The following CNTNAP2 variants were observed in gnomAD, a reference collection of about 807,000 sequenced individuals.
CNTNAP2 encodes the protein contactin associated protein 2, also known as contactin-associated protein-like 2.
A neutral mutation model predicts 155.2 loss-of-function variants in CNTNAP2; 98 were observed. The ratio of observed to expected loss-of-function variants is 0.63; its 90% confidence interval spans 0.54 to 0.75. The LOEUF is 0.75. Ranked by LOEUF, CNTNAP2 falls within the 30% of genes least tolerant of loss-of-function variation. CNTNAP2 has a pLI of 0.00. For synonymous variants in CNTNAP2, 651 were observed against 631.2 expected (o/e 1.03, Z -0.47); for missense variants, 1,727 against 1,688.1 (o/e 1.02, Z -0.40).
chr7:146,331,463 G>A (rs1307582336), intron 1 of CNTNAP2, among the ~76,000 whole-genome samples: 1 of 152,158 alleles, frequency 6.6e-6, no homozygotes, highest in Non-Finnish European at 1.5e-5. Flanking sequence ...ACATCAGAGA[G>A]CAGTCAGAAC....
chr7:147,436,071 A>G (rs1044392144), intron 10 of CNTNAP2, among the ~76,000 whole-genome samples: 9 of 152,322 alleles, frequency 5.9e-5, no homozygotes, highest in African/African-American at 2.2e-4. Context: ...CAGAGTAGTC[A>G]TGGGGCCCTC....
Position 147,735,103 on chromosome 7 carries a change from A to G in CNTNAP2, c.2098+95797A>G, listed in dbSNP as rs563215336. 3.9e-3 allele frequency among the ~76,000 whole-genome samples: 584 copies of G among 151,684 alleles called. 5 individuals are homozygous for G. Among genetic ancestry groups the G allele is most frequent in the African/African-American group, 0.013 (553 of 41,246 alleles). ...TGCTCTTGCTTCTCTAGTTCTTTTA[A>G]TTGTGATGTTAGGGTGTCAATTTTA... On this transcript the variant is annotated intron_variant, in intron 13 of 23. Transcript: ENST00000361727.
intron 13 of CNTNAP2, among the ~76,000 whole-genome samples, chr7:147,873,402 G>C (rs1799362635): frequency 6.6e-6 from 1 of 152,164 alleles, no homozygotes; most frequent in Admixed American, 6.5e-5. Flanking sequence ...TCACAATCAT[G>C]GCAGAACACA....
chr7:147,821,555 A>T (rs551158921), intron 13 of CNTNAP2, among the ~76,000 whole-genome samples: 1 of 152,314 alleles, frequency 6.6e-6, no homozygotes, highest in South Asian at 2.1e-4. Context: ...AAGAGGCAAG[A>T]TGAATGTGAA....
At position 147,277,585 on chromosome 7, in the gene CNTNAP2, T is replaced by C. The variant is rs140744671; in HGVS notation, c.1349-22556T>C. Reference sequence around the variant, plus strand: ...ATAATTCAGGTTGCTAAGTATAATATTGAATATATATTTACCTTAGAAATT... The same window carrying C: ...ATAATTCAGGTTGCTAAGTATAATACTGAATATATATTTACCTTAGAAATT... On this transcript the variant is annotated intron_variant, in intron 8 of 23. Coordinates refer to ENST00000361727, the MANE Select transcript of CNTNAP2 (RefSeq NM_014141.6). Among the ~76,000 whole-genome samples the C allele has an allele frequency of 8.6e-5, 13 of 151,996 alleles. No homozygotes were observed. In the East Asian group the frequency reaches 2.5e-3, roughly 29 times the overall value.
intron 21 of CNTNAP2, among the ~76,000 whole-genome samples, chr7:148,268,834 C>T (rs187009642): frequency 3.9e-5 from 6 of 152,008 alleles, no homozygotes; most frequent in South Asian, 2.1e-4. Context: ...ATTAAATAAC[C>T]GGGCCACCTG....
At chr7:146,693,696 G>T (rs561002084) in intron 1 of CNTNAP2, among the ~76,000 whole-genome samples, 2 of 152,150 alleles carry the variant, frequency 1.3e-5, no homozygotes, top group African/African-American at 4.8e-5. Flanking sequence ...GAGCAACAAA[G>T]TATATTTTAA....
intron 3 of CNTNAP2, among the ~76,000 whole-genome samples, chr7:147,022,049 C>A (rs1377793117): frequency 6.6e-6 from 1 of 151,924 alleles, no homozygotes; most frequent in Non-Finnish European, 1.5e-5. Context: ...ATTCTATACT[C>A]TTTTGGCCAC....
At chr7:148,251,838 T>C (rs1347805433) in intron 20 of CNTNAP2, among the ~76,000 whole-genome samples, 1 of 152,206 alleles carries the variant, frequency 6.6e-6, no homozygotes, top group Non-Finnish European at 1.5e-5. Flanking sequence ...GGTATGATTA[T>C]GCTACATTGC....
chr7:147,805,522 T>C (rs1392416131), intron 13 of CNTNAP2, among the ~76,000 whole-genome samples: 2 of 152,196 alleles, frequency 1.3e-5, no homozygotes, highest in African/African-American at 4.8e-5. Context: ...AGGAAAGGCA[T>C]TCAGTTTTTC....
At chr7:147,750,903 G>T (rs1797123532) in intron 13 of CNTNAP2, among the ~76,000 whole-genome samples, 3 of 152,182 alleles carry the variant, frequency 2.0e-5, no homozygotes, top group South Asian at 4.1e-4. Context: ...GGCTGGGCAT[G>T]GTGGTGGGCG....
chr7:146,244,960 T>G (rs1799621789), intron 1 of CNTNAP2, among the ~76,000 whole-genome samples: 1 of 151,882 alleles, frequency 6.6e-6, no homozygotes, highest in Non-Finnish European at 1.5e-5. Context: ...GGGGCCTGAA[T>G]AATCCCTGAG....
chr7:147,813,210 T>C (rs1016479138), intron 13 of CNTNAP2, among the ~76,000 whole-genome samples: 2 of 151,872 alleles, frequency 1.3e-5, no homozygotes, highest in Admixed American at 6.6e-5. Context: ...TAAGATTTCA[T>C]GCCAATAAAA....
intron 15 of CNTNAP2, among the ~76,000 whole-genome samples, chr7:148,096,605 A>G (rs1803977903): frequency 6.6e-6 from 1 of 152,154 alleles, no homozygotes; most frequent in African/African-American, 2.4e-5. Context: ...AGGGGTGAAT[A>G]GAGGTAAAGC....
intron 3 of CNTNAP2, among the ~76,000 whole-genome samples, chr7:147,001,792 C>A (rs534190070): frequency 6.6e-6 from 1 of 151,020 alleles, no homozygotes; most frequent in Admixed American, 6.6e-5. Flanking sequence ...AGATGTAACA[C>A]TGAATAAAAA....
chr7:147,724,444 G>T (rs1106440), intron 13 of CNTNAP2, among the ~76,000 whole-genome samples: 33,227 of 151,772 alleles, frequency 0.22, 4,240 homozygotes, highest in African/African-American at 0.36. Context: ...CAGTTGCAGG[G>T]TCTGTTTTAT....
intron 9 of CNTNAP2, among the ~76,000 whole-genome samples, chr7:147,306,533 C>A (rs1795029825): frequency 6.6e-6 from 1 of 152,102 alleles, no homozygotes. Context: ...GAACTTATCT[C>A]TGATAAATAT....
intron 15 of CNTNAP2, among the ~76,000 whole-genome samples, chr7:148,019,298 G>A (rs1278290152): frequency 1.3e-5 from 2 of 152,126 alleles, no homozygotes; most frequent in African/African-American, 4.8e-5. Context: ...GTCTCCTATG[G>A]GATCCAGGAC....
intron 8 of CNTNAP2, among the ~76,000 whole-genome samples, chr7:147,193,489 C>T (rs538068747): frequency 9.9e-5 from 15 of 152,224 alleles, no homozygotes; most frequent in Admixed American, 9.8e-4. Flanking sequence ...ATACAGCCCA[C>T]AAGGAATCAC....
Sources: allele counts gnomAD v4.1 joint callset (sites outside exome capture counted in the v4.1 genomes callset), GRCh38; gene constraint gnomAD v4.1.1; transcripts MANE v1.5; gene names NCBI Gene and HGNC (gene_info 2026-07-23, HGNC 2026-07-21).